Variants in EIF4G1 observed in about 807,000 individuals in gnomAD.
The protein encoded by EIF4G1 is EIF4-gamma.
A neutral mutation model predicts 187.8 loss-of-function variants in EIF4G1; 4 were observed. The observed-to-expected ratio is 0.02, with a 90% CI of 0.01 to 0.05. The LOEUF (loss-of-function observed/expected upper bound fraction) is 0.05, where lower values mean the gene tolerates loss of function less well. EIF4G1 is among the 10% of genes least tolerant of loss of function. The pLI, the probability that EIF4G1 is intolerant of heterozygous loss-of-function variation, is 1.00. For missense variants in EIF4G1, 1,647 were observed against 2,081.1 expected, an observed-to-expected ratio of 0.79 and a Z score of 4.06; for synonymous variants, 844 against 781.4, an observed-to-expected ratio of 1.08 and a Z score of -1.34.
At chr3:184,327,803 C>T (rs1725232623) in intron 25 of EIF4G1, 27 bp from the exon 26 acceptor site, 1 of 1,614,122 alleles carries the variant, frequency 6.2e-7, no homozygotes, top group East Asian at 2.2e-5. Context: ...TGACTGGTCT[C>T]TTCCTGCTGT....
intron 10 of EIF4G1, 76 bp from the exon 11 acceptor site, chr3:184,322,286 C>G (rs1724039575): frequency 2.6e-6 from 4 of 1,546,942 alleles, no homozygotes; most frequent in Non-Finnish European, 3.5e-6. Flanking sequence ...TGGCTGCTTT[C>G]TATTTCCCAG....
chr3:184,315,986 TGGGCTGTCCCCGG>T (rs1722707353), intron 3 of EIF4G1, 130 bp downstream of exon 3: 8 of 1,519,898 alleles, frequency 5.3e-6, no homozygotes, highest in African/African-American at 2.8e-5. Flanking sequence ...ACAGGGCCCC[TGGGCTGTCCCCGG>T]GGGCTGTCAC....
rs769369772 is a variant in EIF4G1 at position 184,328,784 on chromosome 3, G to C, written c.4079+28G>C. Reference sequence around the variant, plus strand: ...AAGTCCCCCTGGGTGGAATTCAGGGGAGGTAAAGACCAGAGGAAAGGTGGT... The same window carrying C: ...AAGTCCCCCTGGGTGGAATTCAGGGCAGGTAAAGACCAGAGGAAAGGTGGT... On this transcript the variant is annotated intron_variant, in intron 27 of 32. Coordinates refer to ENST00000346169, the MANE Select transcript of EIF4G1 (RefSeq NM_198241.3). 6 of 1,614,172 alleles carry C rather than the reference G, an allele frequency of 3.7e-6. No homozygotes were observed. The South Asian group carries it at 6.6e-5, about 18-fold the overall frequency.
chr3:184,334,914 G>A lies in EIF4G1; in HGVS notation c.*6G>A, dbSNP rs760200468. 2 of 1,613,866 alleles carry A rather than the reference G, an allele frequency of 1.2e-6. No homozygotes were observed. Among genetic ancestry groups the A allele is most frequent in the Non-Finnish European group, 1.7e-6 (2 of 1,179,978 alleles). ...AGGAGTCTGACCACAACTGAGGGCT[G>A]GTGGGGCCGGGGACCTGGAGCCCCA... On this transcript the variant is annotated 3_prime_UTR_variant, in exon 33 of 33. Coordinates refer to ENST00000346169, the MANE Select transcript of EIF4G1 (RefSeq NM_198241.3). This position sits in a 1 kb window ranked among gnomAD's most constrained non-coding sequence, Gnocchi z 5.8.
rs976624709 is a variant in EIF4G1, at chr3:184,329,262, TTGA to T, written c.4161+277_4161+279del. 18 of 486,852 alleles carry T rather than the reference TTGA, an allele frequency of 3.7e-5. No individual in the cohort carries two copies. In the Admixed American group the frequency reaches 4.6e-4, roughly 12 times the overall value. 30.2% of individuals were successfully genotyped at this position (486,852 alleles called of 1,614,324 possible). ...ATTCATTCATTGAACTAGGGTTTTG[TTGA>T]TGATCATTTATCATATACTAAGCAC... On this transcript the variant is annotated intron_variant, in intron 28 of 32. Transcript: ENST00000346169.
intron 32 of EIF4G1, among the ~76,000 whole-genome samples, chr3:184,332,882 G>A (rs1438463207): frequency 6.6e-6 from 1 of 152,242 alleles, no homozygotes; most frequent in Non-Finnish European, 1.5e-5. Context: ...ACACAGGGCC[G>A]GGTGTAAGCC....
In EIF4G1 at chr3:184,323,142, C is replaced by G; in HGVS notation, c.1989C>G (p.Gly663=). 1 of 1,614,204 alleles carries G rather than the reference C, an allele frequency of 6.2e-7. No homozygotes were observed. The change falls in exon 14 of 33, where the codon GGC becomes GGG. Residue 663 remains glycine, a synonymous_variant. Transcript: ENST00000346169. The surrounding 1 kb of genome is among the most constrained non-coding windows in gnomAD (Gnocchi z 6.9). ...CTAGACTACAAGGCATAAATTGTGG[C>G]CCAGACTTCACTCCATCCTTTGCCA... ...DPTRLQGINC[G]PDFTPSFANL...
chr3:184,318,329 AG>A (rs1338537103), intron 6 of EIF4G1, among the ~76,000 whole-genome samples: 1 of 152,250 alleles, frequency 6.6e-6, no homozygotes, highest in Non-Finnish European at 1.5e-5. Flanking sequence ...AGTGGAATTT[AG>A]GGATGAAATT....
chr3:184,324,798 T>C (rs1244693414), intron 17 of EIF4G1, 80 bp from the exon 18 acceptor site: 1 of 1,484,098 alleles, frequency 6.7e-7, no homozygotes, highest in African/African-American at 1.4e-5. Context: ...TATTGCTAGG[T>C]TTGGATATCC....
chr3:184,326,399 C>T (rs575170489), intron 21 of EIF4G1, 128 bp from the exon 22 acceptor site: 14 of 945,696 alleles, frequency 1.5e-5, no homozygotes, highest in Non-Finnish European at 2.0e-5. Context: ...GAGACTGGCC[C>T]TTTATTAAAA....
At position 184,322,012 on chromosome 3, in the gene EIF4G1, T is replaced by A; in HGVS notation, c.1428T>A (p.Ser476Arg). 3.1e-6 allele frequency: 5 copies of A among 1,612,414 alleles called. No homozygotes were observed. The highest frequency in any genetic ancestry group is 4.2e-6 in the Non-Finnish European group (5 of 1,179,562). The change falls in exon 10 of 33, where the codon AGT becomes AGA. Residue 476 changes from serine to arginine, a missense_variant. Physicochemically the swap from Ser to Arg is moderately radical, Grantham distance 110 (BLOSUM62 -1). This residue lies in a region of EIF4G1 where 522 missense variants were observed against 485.2 expected (regional missense o/e 1.08). Transcript: ENST00000346169. ...CAGGAGAAGCAGGAGAAGCTGAGAG[T>A]GAGAAAGGAGGAGAGGAACTGCTCC... is the stretch of plus-strand genomic sequence containing the variant. ...GEAGEAGEAE[S>R]EKGGEELLPP...
chr3:184,317,898 C>G (rs1723064058), intron 6 of EIF4G1, 82 bp downstream of exon 6: 2 of 1,061,476 alleles, frequency 1.9e-6, no homozygotes, highest in East Asian at 4.8e-5. Flanking sequence ...AGCAGAAGAC[C>G]CTTCCCAGGC....
rs1725033627 is a variant in EIF4G1, at chr3:184,326,878, C to T, written c.3326-3C>T. 2.5e-6 allele frequency: 4 copies of T among 1,614,042 alleles called. No individual in the cohort carries two copies. The highest frequency in any genetic ancestry group is 2.5e-6 in the Non-Finnish European group (3 of 1,180,004). Reference sequence around the variant, plus strand: ...TTTTAATACGGATTTTCTGCATCCCCAGCATCAGAAGCTGCTCGCCCAGCT... The same window carrying T: ...TTTTAATACGGATTTTCTGCATCCCTAGCATCAGAAGCTGCTCGCCCAGCT... On this transcript the variant is annotated splice_region_variant and splice_polypyrimidine_tract_variant and intron_variant, in intron 22 of 32. Coordinates refer to ENST00000346169, the MANE Select transcript of EIF4G1 (RefSeq NM_198241.3).
At chr3:184,326,129 G>A (rs1306065688) in intron 21 of EIF4G1, among the ~76,000 whole-genome samples, 178 bp downstream of exon 21, 1 of 143,024 alleles carries the variant, frequency 7.0e-6, no homozygotes, top group East Asian at 2.0e-4. Flanking sequence ...CTGGACCAGT[G>A]TTTGGCAAAC....
At chr3:184,315,977 CAG>C in intron 3 of EIF4G1, 121 bp downstream of exon 3, 1 of 1,514,286 alleles carries the variant, frequency 6.6e-7, no homozygotes, top group Non-Finnish European at 8.9e-7. Flanking sequence ...CAAATTGAGA[CAG>C]GGCCCCTGGG....
Position 184,317,671 on chromosome 3 carries a change from C to T in EIF4G1, c.325-46C>T, listed in dbSNP as rs755318821. 377 of 1,566,672 alleles carry T rather than the reference C, an allele frequency of 2.4e-4. 1 individual carries two copies. Among genetic ancestry groups the T allele is most frequent in the Non-Finnish European group, 3.2e-4 (368 of 1,137,902 alleles). The stretch of plus-strand genomic sequence containing the variant: ...TCTTTTTGGAGTCTGATATGGAACT[C>T]ATAGCTCCCTCAACTCCTTCTCTCC... On this transcript the variant is annotated intron_variant, in intron 5 of 32. Transcript: ENST00000346169.
Position 184,334,658 on chromosome 3 carries a change from AGGGTTCCCTG to A in EIF4G1, c.4619-64_4619-55del. On this transcript the variant is annotated intron_variant, in intron 32 of 32. Coordinates refer to ENST00000346169, the MANE Select transcript of EIF4G1 (RefSeq NM_198241.3). The surrounding 1 kb of genome is among the most constrained non-coding windows in gnomAD (Gnocchi z 5.8). ...CCTTGTTTGAACAGTGGAACTTGGG[AGGGTTCCCTG>A]GGGTGGGCTGGGGTGGCGGTGGCCA... 6.3e-7 allele frequency: 1 copy of A among 1,599,604 alleles called. No homozygotes were observed. The highest frequency in any genetic ancestry group is 8.6e-7 in the Non-Finnish European group (1 of 1,168,240).
chr3:184,332,484 T>TG (rs769151462), intron 32 of EIF4G1, among the ~76,000 whole-genome samples: 7 of 152,192 alleles, frequency 4.6e-5, no homozygotes, highest in Middle Eastern at 3.2e-3. Flanking sequence ...ATGAGGAGAC[T>TG]GAGGTCTCAG....
At chr3:184,330,192 C>A (rs1049732952) in intron 28 of EIF4G1, among the ~76,000 whole-genome samples, 2 of 152,126 alleles carry the variant, frequency 1.3e-5, no homozygotes, top group Non-Finnish European at 2.9e-5. Context: ...GCCTGGCCAA[C>A]ATGATGAAAC....
Sources: allele counts gnomAD v4.1 joint callset (sites outside exome capture counted in the v4.1 genomes callset), GRCh38; gene constraint gnomAD v4.1.1; regional missense constraint gnomAD v4.1.1; non-coding constraint Gnocchi (gnomAD v3.1); transcripts MANE v1.5; gene names NCBI Gene and HGNC (gene_info 2026-07-23, HGNC 2026-07-21).